Variants in LPP observed in about 807,000 individuals in gnomAD.
LPP encodes the protein LIM domain containing preferred translocation partner in lipoma.
In LPP, 38 loss-of-function variants were observed where a neutral mutation model predicts 60.4. The ratio of observed to expected loss-of-function variants is 0.63; its 90% CI spans 0.49 to 0.83. The LOEUF (loss-of-function observed/expected upper bound fraction) is 0.83, where lower values mean the gene tolerates loss of function less well. Ranked by LOEUF, LPP falls within the 40% of genes least tolerant of loss-of-function variation. The pLI is 0.00. For missense variants in LPP, 902 were observed against 783.6 expected, an observed-to-expected ratio of 1.15 and a Z score of -1.80; for synonymous variants, 328 against 290.8, an observed-to-expected ratio of 1.13 and a Z score of -1.30.
intron 8 of LPP, among the ~76,000 whole-genome samples, chr3:188,715,376 C>CAAAAAA (rs35761284): frequency 6.1e-4 from 39 of 63,688 alleles, no homozygotes; most frequent in South Asian, 9.2e-4. Flanking sequence ...GACTCCGTCT[C>CAAAAAA]AAAAAAAAAA....
intron 2 of LPP, among the ~76,000 whole-genome samples, chr3:188,322,053 G>C (rs550221019): frequency 1.3e-5 from 2 of 152,306 alleles, no homozygotes; most frequent in South Asian, 4.1e-4. Context: ...GGTAAAGGGG[G>C]ACAGAAAAGG....
At chr3:188,613,150 A>G (rs952363466) in intron 7 of LPP, among the ~76,000 whole-genome samples, 2 of 150,474 alleles carry the variant, frequency 1.3e-5, no homozygotes, top group African/African-American at 4.8e-5. Flanking sequence ...CCTCTTAAAG[A>G]TGCAGTGGAA....
chr3:188,551,238 G>C (rs1395013891), intron 6 of LPP, among the ~76,000 whole-genome samples: 1 of 152,142 alleles, frequency 6.6e-6, no homozygotes, highest in East Asian at 1.9e-4. Context: ...GAGAGAAAAT[G>C]AGGACGATGC....
At chr3:188,597,931 G>C (rs369013126) in intron 6 of LPP, among the ~76,000 whole-genome samples, 1 of 152,154 alleles carries the variant, frequency 6.6e-6, no homozygotes. Flanking sequence ...CACTAAATAA[G>C]TAATTGCAAA....
chr3:188,481,194 C>T (rs930863373), intron 4 of LPP, among the ~76,000 whole-genome samples: 2 of 152,084 alleles, frequency 1.3e-5, no homozygotes, highest in South Asian at 2.1e-4. Context: ...TAGTTTATGC[C>T]TCTCTCCAAG....
intron 6 of LPP, among the ~76,000 whole-genome samples, chr3:188,548,359 C>A (rs914374524): frequency 2.0e-5 from 3 of 152,176 alleles, no homozygotes; most frequent in Non-Finnish European, 4.4e-5. Flanking sequence ...TGGTAAGACA[C>A]ATAGCTTAGT....
chr3:188,446,718 A>T (rs755083321), intron 4 of LPP, among the ~76,000 whole-genome samples: 5 of 152,156 alleles, frequency 3.3e-5, no homozygotes, highest in Non-Finnish European at 7.4e-5. Flanking sequence ...TTCTTCAAAA[A>T]ACCCTTTGGT....
At chr3:188,518,725 A>G (rs1818072465) in intron 5 of LPP, among the ~76,000 whole-genome samples, 3 of 152,190 alleles carry the variant, frequency 2.0e-5, no homozygotes. Context: ...ATGGTCATGT[A>G]TGTTTTGAGT....
At chr3:188,800,876 T>C (rs1747030434) in intron 9 of LPP, among the ~76,000 whole-genome samples, 1 of 152,174 alleles carries the variant, frequency 6.6e-6, no homozygotes, top group South Asian at 2.1e-4. Context: ...TTTGTTTTGT[T>C]TCTTTTTGGT....
At chr3:188,667,920 A>G in intron 7 of LPP, among the ~76,000 whole-genome samples, 1 of 152,012 alleles carries the variant, frequency 6.6e-6, no homozygotes, top group East Asian at 1.9e-4. Flanking sequence ...GGAAATTAAG[A>G]CAAGAACTGA....
At chr3:188,188,614 AT>A (rs1035672132) in intron 1 of LPP, among the ~76,000 whole-genome samples, 1 of 151,998 alleles carries the variant, frequency 6.6e-6, no homozygotes, top group African/African-American at 2.4e-5. Context: ...AGGAATTCCC[AT>A]TGAGAATATG....
At chr3:188,168,188 A>C (rs909122344) in intron 1 of LPP, among the ~76,000 whole-genome samples, 6 of 152,268 alleles carry the variant, frequency 3.9e-5, no homozygotes, top group African/African-American at 1.2e-4. Context: ...TATGAAGAAA[A>C]AAATAAATGA....
chr3:188,286,028 G>A (rs1004397108), intron 2 of LPP, among the ~76,000 whole-genome samples: 8 of 152,114 alleles, frequency 5.3e-5, no homozygotes, highest in African/African-American at 1.7e-4. Context: ...GTCTTGAAAA[G>A]ACCCACTTAT....
At chr3:188,320,929 G>T (rs1756747561) in intron 2 of LPP, among the ~76,000 whole-genome samples, 1 of 152,134 alleles carries the variant, frequency 6.6e-6, no homozygotes, top group African/African-American at 2.4e-5. Context: ...CAGTAGAAAA[G>T]GTATCCCAGT....
intron 2 of LPP, among the ~76,000 whole-genome samples, chr3:188,264,122 T>C (rs778357653): frequency 6.6e-5 from 10 of 152,228 alleles, no homozygotes; most frequent in Non-Finnish European, 1.2e-4. Flanking sequence ...CCCTAGAATA[T>C]AAACAGCTGG....
At position 188,876,267 on chromosome 3, in the gene LPP, T is replaced by C. The variant is rs942112685; in HGVS notation, c.*1788T>C. 1 of 188,490 alleles carries C rather than the reference T, an allele frequency of 5.3e-6. No individual in the cohort carries two copies. Among genetic ancestry groups the C allele is most frequent in the African/African-American group, 2.3e-5 (1 of 42,814 alleles). 11.7% of individuals were successfully genotyped at this position (188,490 alleles called of 1,614,324 possible). A position where few individuals can be genotyped will look rare whatever the true frequency, so the allele number is the denominator to read the frequency against. ...TGAATAGGAATGATCATAAAAGTGA[T>C]TCTTTTTTTGTGACTAGAAATTCTT... On this transcript the variant is annotated 3_prime_UTR_variant, in exon 12 of 12. Transcript: ENST00000617246.
intron 1 of LPP, among the ~76,000 whole-genome samples, chr3:188,186,190 C>A (rs1726548360): frequency 1.3e-5 from 2 of 152,176 alleles, no homozygotes; most frequent in Admixed American, 6.5e-5. Context: ...CTCCAACCCC[C>A]AGGCCTTGGT....
chr3:188,747,565 A>T (rs1577323875), intron 8 of LPP, among the ~76,000 whole-genome samples: 1 of 152,238 alleles, frequency 6.6e-6, no homozygotes, highest in African/African-American at 2.4e-5. Flanking sequence ...CACCATTTTT[A>T]TCCCAAACAT....
chr3:188,341,375 A>G (rs144733033), intron 2 of LPP, among the ~76,000 whole-genome samples: 1 of 152,198 alleles, frequency 6.6e-6, no homozygotes, highest in Non-Finnish European at 1.5e-5. Context: ...TAAAATGTGG[A>G]CAATAATATT....
Sources: allele counts gnomAD v4.1 joint callset (sites outside exome capture counted in the v4.1 genomes callset), GRCh38; gene constraint gnomAD v4.1.1; transcripts MANE v1.5; gene names NCBI Gene and HGNC (gene_info 2026-07-23, HGNC 2026-07-21).